Variants in TSHZ2 observed in about 807,000 individuals in gnomAD.
The protein encoded by TSHZ2 is teashirt homolog 2.
In TSHZ2, 21 loss-of-function variants were observed where a neutral mutation model predicts 74.4. The observed-to-expected ratio is 0.28, with a 90% confidence interval of 0.20 to 0.41. The LOEUF is 0.41. Ranked by LOEUF, TSHZ2 falls within the 10% of genes least tolerant of loss-of-function variation. The pLI is 1.00. For synonymous variants in TSHZ2, 540 were observed against 515.3 expected (o/e 1.05, Z -0.65); for missense variants, 1,244 against 1,293.5 (o/e 0.96, Z 0.59).
Position 53,253,928 on chromosome 20 carries a change from C to T in TSHZ2, c.470C>T (p.Thr157Ile). 6.2e-7 allele frequency: 1 copy of T among 1,614,186 alleles called. No homozygotes were observed. The highest frequency in any genetic ancestry group is 8.5e-7 in the Non-Finnish European group (1 of 1,180,038). Reference sequence around the variant, plus strand: ...AATAGTGAGAGGAGGAACTGTGACACCCGAAACGGCAGCAACAAGAGTGAT... The same window carrying T: ...AATAGTGAGAGGAGGAACTGTGACATCCGAAACGGCAGCAACAAGAGTGAT... ...LSNSERRNCDTRNGSNKSDFD... is the reference protein window; with the variant it reads ...LSNSERRNCDIRNGSNKSDFD... The change falls in exon 2 of 3, where the codon ACC becomes ATC. Residue 157 changes from threonine to isoleucine, a missense_variant. Thr to Ile is a moderately conservative substitution (Grantham distance 89). Transcript: ENST00000371497.
chr20:53,255,504 C>T lies in TSHZ2; in HGVS notation c.2046C>T (p.Leu682=), dbSNP rs759097274. Residue 682 remains leucine, a synonymous_variant, in exon 2 of 3, where the codon CTC becomes CTT. Coordinates refer to ENST00000371497, the MANE Select transcript of TSHZ2 (RefSeq NM_173485.6). This position sits in a 1 kb window ranked among gnomAD's most constrained non-coding sequence, Gnocchi z 4.1. ...PTSALSNGCA[L]ANHAPALPCI... ...CTGCTCTGAGCAATGGGTGCGCCCT[C>T]GCCAACCACGCCCCGGCCCTGCCAT... 8.2e-6 allele frequency: 13 copies of T among 1,591,724 alleles called. No individual in the cohort carries two copies. Among genetic ancestry groups the T allele is most frequent in the South Asian group, 8.0e-5 (7 of 87,814 alleles).
chr20:53,313,467 G>T (rs575094036), intron 2 of TSHZ2, among the ~76,000 whole-genome samples: 3 of 152,230 alleles, frequency 2.0e-5, no homozygotes, highest in African/African-American at 7.2e-5. Flanking sequence ...GGTCCCTACA[G>T]CATAAAAGGA....
At chr20:53,308,046 C>T (rs900792747) in intron 2 of TSHZ2, among the ~76,000 whole-genome samples, 3 of 152,206 alleles carry the variant, frequency 2.0e-5, no homozygotes, top group Non-Finnish European at 4.4e-5. Flanking sequence ...TGCACATATT[C>T]TTCTCCCACG....
At chr20:53,001,395 C>A (rs1982437194) in intron 1 of TSHZ2, among the ~76,000 whole-genome samples, 1 of 152,004 alleles carries the variant, frequency 6.6e-6, no homozygotes, top group Non-Finnish European at 1.5e-5. Context: ...TTTCTGGCAA[C>A]AGTCAAAATG....
At chr20:53,414,348 A>G (rs112663863) in intron 2 of TSHZ2, among the ~76,000 whole-genome samples, 2 of 151,514 alleles carry the variant, frequency 1.3e-5, no homozygotes, top group African/African-American at 4.8e-5. Context: ...GGCTCAACAT[A>G]GTGGCTCACA....
At chr20:52,998,261 C>T (rs1366202815) in intron 1 of TSHZ2, among the ~76,000 whole-genome samples, 1 of 152,124 alleles carries the variant, frequency 6.6e-6, no homozygotes, top group Admixed American at 6.5e-5. Flanking sequence ...CTCTGTCTCC[C>T]AGGTTCAAGC....
chr20:53,351,857 A>T (rs1396394117), intron 2 of TSHZ2, among the ~76,000 whole-genome samples: 1 of 152,174 alleles, frequency 6.6e-6, no homozygotes, highest in Non-Finnish European at 1.5e-5. Flanking sequence ...CAAATTTTCC[A>T]CTTATTGGTT....
intron 1 of TSHZ2, among the ~76,000 whole-genome samples, chr20:53,069,302 T>C (rs1463168023): frequency 6.6e-6 from 1 of 152,138 alleles, no homozygotes; most frequent in African/African-American, 2.4e-5. Flanking sequence ...GGGGGCAAGA[T>C]GGGCCCTACT....
rs117934696 is a variant in TSHZ2, at chr20:52,985,751, A to G, written c.40+12418A>G. On this transcript the variant is annotated intron_variant, in intron 1 of 2. Coordinates refer to ENST00000371497, the MANE Select transcript of TSHZ2 (RefSeq NM_173485.6). The stretch of plus-strand genomic sequence containing the variant: ...GACATGGTTCTTAGGAGTTAAAATG[A>G]GAAAACCCAAGGAGCCGAAAGCATG... Among the ~76,000 whole-genome samples, 541 of 152,326 alleles carry G rather than the reference A, an allele frequency of 3.6e-3. 1 individual carries two copies. Among genetic ancestry groups the G allele is most frequent in the Non-Finnish European group, 4.2e-3 (287 of 68,026 alleles).
chr20:52,993,192 CT>C (rs1982056760), intron 1 of TSHZ2, among the ~76,000 whole-genome samples: 1 of 152,108 alleles, frequency 6.6e-6, no homozygotes, highest in Admixed American at 6.5e-5. Context: ...ATAATTTAAC[CT>C]CATAAATTTA....
At chr20:53,400,300 C>A (rs960065367) in intron 2 of TSHZ2, 1 of 152,206 alleles carries the variant, frequency 6.6e-6, no homozygotes, top group Non-Finnish European at 1.5e-5. Flanking sequence ...AGTCTATGGT[C>A]TTTCAGGCTC....
intron 1 of TSHZ2, among the ~76,000 whole-genome samples, chr20:53,250,339 A>C (rs1040306318): frequency 6.6e-6 from 1 of 152,234 alleles, no homozygotes; most frequent in Non-Finnish European, 1.5e-5. Flanking sequence ...TAAACAAGTC[A>C]TCAATACAGA....
chr20:53,152,190 T>G (rs1006693440), intron 1 of TSHZ2, among the ~76,000 whole-genome samples: 13 of 152,334 alleles, frequency 8.5e-5, no homozygotes, highest in South Asian at 2.1e-4. Flanking sequence ...GGCAACATTT[T>G]TTTTTCACTT....
At chr20:53,435,557 A>T (rs976954865) in intron 2 of TSHZ2, among the ~76,000 whole-genome samples, 11 of 152,250 alleles carry the variant, frequency 7.2e-5, no homozygotes, top group African/African-American at 2.4e-4. Context: ...TCTGTCGCCC[A>T]GGCTGGAGTG....
At chr20:53,330,477 C>T (rs762013669) in intron 2 of TSHZ2, among the ~76,000 whole-genome samples, 17 of 152,116 alleles carry the variant, frequency 1.1e-4, no homozygotes, top group Non-Finnish European at 2.5e-4. Flanking sequence ...AACGTGAATA[C>T]GGTTAGTGCA....
intron 1 of TSHZ2, among the ~76,000 whole-genome samples, chr20:53,022,226 A>G (rs974149067): frequency 8.5e-5 from 13 of 152,234 alleles, no homozygotes; most frequent in Non-Finnish European, 1.9e-4. Flanking sequence ...ATTTCCTAGC[A>G]CTAGACTCTA....
At chr20:53,370,540 A>G (rs1981429893) in intron 2 of TSHZ2, among the ~76,000 whole-genome samples, 1 of 152,190 alleles carries the variant, frequency 6.6e-6, no homozygotes, top group Non-Finnish European at 1.5e-5. Context: ...GCAGACGGAT[A>G]GATTGAGCCC....
chr20:53,268,844 A>T (rs1005604222), intron 2 of TSHZ2, among the ~76,000 whole-genome samples: 1 of 152,200 alleles, frequency 6.6e-6, no homozygotes, highest in East Asian at 1.9e-4. Flanking sequence ...CACGACTGTC[A>T]GAGGTCAGAT....
chr20:53,185,251 G>A (rs1988572424), intron 1 of TSHZ2: 1 of 1,006,044 alleles, frequency 9.9e-7, no homozygotes, highest in Admixed American at 5.4e-5. Context: ...CTGTAGAAGT[G>A]ATGCATAAAA....
Sources: gnomAD v4.1 joint callset for allele counts (sites outside exome capture counted in the v4.1 genomes callset) on GRCh38, gnomAD v4.1.1 for gene constraint, Gnocchi (gnomAD v3.1) non-coding constraint, MANE v1.5 for transcripts, NCBI Gene and HGNC (gene_info 2026-07-23, HGNC 2026-07-21) for gene names.